CELF2: variants seen among roughly 807,000 people sequenced by gnomAD.
The protein encoded by CELF2 is CUG triplet repeat RNA-binding protein 2.
Under a neutral mutation model 62.6 loss-of-function variants are expected in CELF2, and 8 were observed. The ratio of observed to expected loss-of-function variants is 0.13; its 90% confidence interval spans 0.07 to 0.23. The LOEUF (loss-of-function observed/expected upper bound fraction) is 0.23. Ranked by LOEUF, CELF2 falls within the 10% of genes least tolerant of loss-of-function variation. The pLI is 1.00. For synonymous variants in CELF2, 258 were observed against 250.0 expected, an observed-to-expected ratio of 1.03 and a Z score of -0.30; for missense variants, 333 against 671.0, an observed-to-expected ratio of 0.50 and a Z score of 5.56.
chr10:10,835,955 T>C (rs988432970), intron 1 of CELF2, among the ~76,000 whole-genome samples: 2 of 152,054 alleles, frequency 1.3e-5, no homozygotes, highest in African/African-American at 4.8e-5. Context: ...TATGAAAATG[T>C]GAAAGATTAG....
chr10:11,083,931 C>G (rs2074713462), intron 1 of CELF2, among the ~76,000 whole-genome samples: 1 of 152,196 alleles, frequency 6.6e-6, no homozygotes, highest in Non-Finnish European at 1.5e-5. Context: ...TTGCCAGTCT[C>G]AGCAACCACA....
intron 1 of CELF2, among the ~76,000 whole-genome samples, chr10:11,047,854 A>C (rs2063144561): frequency 6.6e-6 from 1 of 152,132 alleles, no homozygotes; most frequent in African/African-American, 2.4e-5. Context: ...TTTACCCATC[A>C]TGTTACTGTT....
chr10:10,715,892 A>G, the CELF2 span, among the ~76,000 whole-genome samples: 1 of 152,236 alleles, frequency 6.6e-6, no homozygotes, highest in Non-Finnish European at 1.5e-5. Flanking sequence ...AGTTCCTGGC[A>G]TCTGTGAAAT....
chr10:10,847,390 C>A (rs2059083708), intron 1 of CELF2, among the ~76,000 whole-genome samples: 3 of 152,066 alleles, frequency 2.0e-5, no homozygotes, highest in African/African-American at 7.2e-5. Flanking sequence ...TCCTTTATAG[C>A]CTCAAATGAG....
chr10:11,186,296 C>CTTTTTTTTTTT (rs57327671), intron 2 of CELF2, among the ~76,000 whole-genome samples: 3 of 115,508 alleles, frequency 2.6e-5, no homozygotes, highest in Non-Finnish European at 3.6e-5. Context: ...GGTTTTGTTG[C>CTTTTTTTTTTT]TTTTTTTTTT....
the CELF2 span, among the ~76,000 whole-genome samples, chr10:10,727,000 GA>G: frequency 6.6e-6 from 1 of 152,172 alleles, no homozygotes; most frequent in Non-Finnish European, 1.5e-5. Flanking sequence ...GAGAGAGGGG[GA>G]TGGCAGCACA....
At chr10:10,550,379 T>A in the CELF2 span, among the ~76,000 whole-genome samples, 1 of 152,104 alleles carries the variant, frequency 6.6e-6, no homozygotes, top group Admixed American at 6.5e-5. Flanking sequence ...AAAATCTGTG[T>A]ATAAGTGGAC....
chr10:10,806,493 T>C (rs7083018), intron 1 of CELF2, among the ~76,000 whole-genome samples: 90,321 of 152,040 alleles, frequency 0.59, 27,030 homozygotes, highest in African/African-American at 0.67. Context: ...CATGAGCCAC[T>C]GCACCCAGCC....
chr10:10,831,841 A>G (rs913449505), intron 1 of CELF2, among the ~76,000 whole-genome samples: 1 of 152,132 alleles, frequency 6.6e-6, no homozygotes, highest in Admixed American at 6.5e-5. Context: ...GTGTGGTGGC[A>G]TGCTCTTGTA....
the CELF2 span, among the ~76,000 whole-genome samples, chr10:10,729,021 G>A: frequency 5.9e-5 from 9 of 152,070 alleles, no homozygotes; most frequent in African/African-American, 9.7e-5. Context: ...GTAAAGCGCC[G>A]GCTGTATGTG....
the CELF2 span, among the ~76,000 whole-genome samples, chr10:10,527,440 C>CT: frequency 2.5e-5 from 2 of 79,324 alleles, no homozygotes; most frequent in African/African-American, 4.3e-5. Flanking sequence ...GAGCAAAACT[C>CT]TGTCTCAAAA....
At chr10:11,304,469 G>A (rs2094038717) in intron 9 of CELF2, among the ~76,000 whole-genome samples, 1 of 152,210 alleles carries the variant, frequency 6.6e-6, no homozygotes, top group Admixed American at 6.5e-5. Flanking sequence ...CAGCTCTGGA[G>A]ACTGAGAAGT....
chr10:11,147,469 T>C (rs1256935155), intron 1 of CELF2, among the ~76,000 whole-genome samples: 1 of 152,208 alleles, frequency 6.6e-6, no homozygotes, highest in Non-Finnish European at 1.5e-5. Context: ...CTTCCCTCCT[T>C]TTTTGTTTCT....
At chr10:10,683,272 T>A in the CELF2 span, among the ~76,000 whole-genome samples, 1 of 152,244 alleles carries the variant, frequency 6.6e-6, no homozygotes, top group Non-Finnish European at 1.5e-5. Context: ...CACTTAGGTT[T>A]TTAAATGTCA....
chr10:10,587,521 T>C, the CELF2 span, among the ~76,000 whole-genome samples: 4,792 of 152,206 alleles, frequency 0.031, 156 homozygotes, highest in East Asian at 0.091. Flanking sequence ...CGTGGCAAAA[T>C]AAACATCTTT....
rs750815777 is a variant in CELF2 at position 11,319,084 on chromosome 10, G to T, written c.1097-2105G>T. 2.1e-6 allele frequency: 1 copy of T among 470,372 alleles called. No homozygotes were observed. The highest frequency in any genetic ancestry group is 1.5e-5 in the South Asian group (1 of 64,564). The allele number at this position is 470,372 out of a possible 1,614,324, so 29.1% of individuals were successfully genotyped here. A position where few individuals can be genotyped will look rare whatever the true frequency, so the allele number is the denominator to read the frequency against. ...AGGCACACCCAGAACCTCATGCCTTGAGATCCAAGCAGAGCGGCGAGTCGC... is the reference window on the plus strand; with the variant it reads ...AGGCACACCCAGAACCTCATGCCTTTAGATCCAAGCAGAGCGGCGAGTCGC... On this transcript the variant is annotated intron_variant, in intron 10 of 12. Transcript: ENST00000633077. This position sits in a 1 kb window ranked among gnomAD's most constrained non-coding sequence, Gnocchi z 4.4.
the CELF2 span, among the ~76,000 whole-genome samples, chr10:10,730,442 A>C: frequency 6.6e-6 from 1 of 152,170 alleles, no homozygotes; most frequent in Non-Finnish European, 1.5e-5. Flanking sequence ...GTGCCACTGC[A>C]CTCCATCCTG....
intron 2 of CELF2, among the ~76,000 whole-genome samples, chr10:11,175,231 A>C (rs2070621002): frequency 6.6e-6 from 1 of 152,158 alleles, no homozygotes; most frequent in Non-Finnish European, 1.5e-5. Context: ...AGGAGTTCCA[A>C]GGGAGAGCAG....
the CELF2 span, among the ~76,000 whole-genome samples, chr10:10,581,393 G>A: frequency 2.0e-5 from 3 of 152,158 alleles, no homozygotes; most frequent in African/African-American, 7.2e-5. Context: ...TTATGGGGAA[G>A]TCCAGAGTGC....
Sources: gnomAD v4.1 joint callset for allele counts (sites outside exome capture counted in the v4.1 genomes callset) on GRCh38, gnomAD v4.1.1 for gene constraint, Gnocchi (gnomAD v3.1) non-coding constraint, MANE v1.5 for transcripts, NCBI Gene and HGNC (gene_info 2026-07-23, HGNC 2026-07-21) for gene names.